Variants in COL6A3 observed in about 807,000 individuals in gnomAD.
The protein encoded by COL6A3 is collagen alpha-3(VI) chain.
A neutral mutation model predicts 274.1 loss-of-function variants in COL6A3; 137 were observed. The observed-to-expected ratio is 0.50, with a 90% CI of 0.44 to 0.58. The LOEUF is 0.58. Among genes scored for constraint, COL6A3 ranks in the 20% least tolerant of loss-of-function variants. The pLI, the probability that COL6A3 is intolerant of heterozygous loss-of-function variation, is 0.00. For missense variants in COL6A3, 3,950 were observed against 4,124.9 expected, an observed-to-expected ratio of 0.96 and a Z score of 1.16; for synonymous variants, 1,650 against 1,650.6, an observed-to-expected ratio of 1.00 and a Z score of 0.01.
At chr2:237,351,419 A>T in intron 26 of COL6A3, among the ~76,000 whole-genome samples, 1 of 152,270 alleles carries the variant, frequency 6.6e-6, no homozygotes, top group East Asian at 1.9e-4. Flanking sequence ...ATTACCTCTC[A>T]GTGCCAGTTT....
chr2:237,354,360 C>G (rs2077271822), intron 24 of COL6A3, among the ~76,000 whole-genome samples: 2 of 152,006 alleles, frequency 1.3e-5, no homozygotes, highest in South Asian at 4.2e-4. Context: ...CACATTCTGC[C>G]CACAGGGAAA....
At chr2:237,342,021 G>A (rs2106321452) in intron 37 of COL6A3, 44 bp downstream of exon 37, 1 of 1,482,314 alleles carries the variant, frequency 6.7e-7, no homozygotes, top group Admixed American at 1.7e-5. Context: ...ATTATGTTTT[G>A]CAATTGCAGC....
intron 25 of COL6A3, among the ~76,000 whole-genome samples, chr2:237,352,946 G>A (rs2077238487): frequency 6.6e-6 from 1 of 152,232 alleles, no homozygotes; most frequent in South Asian, 2.1e-4. Context: ...CTTCCATCAT[G>A]TAAAGGAATG....
chr2:237,409,416 A>G (rs2646259), intron 1 of COL6A3, among the ~76,000 whole-genome samples: 65,673 of 152,084 alleles, frequency 0.43, 15,974 homozygotes, highest in East Asian at 0.65. Context: ...ATTTAGCATT[A>G]GGGATATATC....
chr2:237,350,012 G>A, intron 28 of COL6A3, 135 bp downstream of exon 28: 1 of 887,950 alleles, frequency 1.1e-6, no homozygotes, highest in African/African-American at 1.6e-5. Context: ...AGATGAGCAA[G>A]TTTCAGTATT....
At chr2:237,335,431 C>G (rs150034591) in intron 40 of COL6A3, among the ~76,000 whole-genome samples, 1 of 152,178 alleles carries the variant, frequency 6.6e-6, no homozygotes, top group African/African-American at 2.4e-5. Flanking sequence ...AAGCCATCTA[C>G]CTTTTGTATC....
Position 237,355,037 on chromosome 2 carries a change from A to G in COL6A3, c.6592-103T>C, listed in dbSNP as rs561957713. ...TCACCCTCTTATTCTGCGGTTACTCAGGGGAATCTTCCCAAGCACCCACAT... is the reference window on the plus strand; with the variant it reads ...TCACCCTCTTATTCTGCGGTTACTCGGGGGAATCTTCCCAAGCACCCACAT... On this transcript the variant is annotated intron_variant, in intron 23 of 43. Coordinates refer to ENST00000295550, the MANE Select transcript of COL6A3 (RefSeq NM_004369.4). 7.4e-5 allele frequency: 82 copies of G among 1,109,324 alleles called. 1 individual carries two copies. In the African/African-American group the frequency reaches 1.2e-3, roughly 16 times the overall value. 68.7% of individuals were successfully genotyped at this position (1,109,324 alleles called of 1,614,324 possible).
At chr2:237,406,178 A>G (rs1211023664) in intron 1 of COL6A3, among the ~76,000 whole-genome samples, 1 of 152,184 alleles carries the variant, frequency 6.6e-6, no homozygotes, top group East Asian at 1.9e-4. Context: ...ATCATATTCA[A>G]TCATATTCCA....
chr2:237,384,738 A>T (rs2106374713), intron 4 of COL6A3, among the ~76,000 whole-genome samples: 1 of 152,188 alleles, frequency 6.6e-6, no homozygotes, highest in South Asian at 2.1e-4. Context: ...TCTCTGAGAA[A>T]ATAGAAGCCC....
chr2:237,337,538 T>C (rs1368758070), intron 39 of COL6A3, among the ~76,000 whole-genome samples: 1 of 152,250 alleles, frequency 6.6e-6, no homozygotes, highest in Non-Finnish European at 1.5e-5. Flanking sequence ...ATGGGCTCTC[T>C]TTCCCCATCT....
At position 237,378,813 on chromosome 2, in the gene COL6A3, A is replaced by G. The variant is rs572969883; in HGVS notation, c.2320T>C (p.Phe774Leu). ...TTCGCCTGGCTAGCTCCCACACAAAAAGTCAGGATGCCCGCGCGTGTCAAG... is the reference window on the plus strand; with the variant it reads ...TTCGCCTGGCTAGCTCCCACACAAAGAGTCAGGATGCCCGCGCGTGTCAAG... ...NALTRAGILTFCVGASQANKA... is the reference protein window; with the variant it reads ...NALTRAGILTLCVGASQANKA... Residue 774 changes from phenylalanine (F) to leucine (L), a missense_variant, in exon 6 of 44, where the codon TTT becomes CTT. Transcript: ENST00000295550. The G allele has an allele frequency of 2.4e-5, 38 of 1,614,204 alleles. No individual in the cohort carries two copies. The South Asian group carries it at 4.1e-4, about 17-fold the overall frequency.
At chr2:237,354,763 G>A (rs910873828) in intron 24 of COL6A3, 136 bp downstream of exon 24, 41 of 756,832 alleles carry the variant, frequency 5.4e-5, no homozygotes, top group Admixed American at 1.7e-4. Flanking sequence ...TAACCTTGGC[G>A]AAATCAACTT....
rs570089875 is a variant in COL6A3 at position 237,387,368 on chromosome 2, G to C, written c.1312+214C>G. On this transcript the variant is annotated intron_variant, in intron 4 of 43. Transcript: ENST00000295550. ...CGCTTTCTCAGCAACTCATACTCTCGTAAGAGCTTTCACTCACTCATTGGT... is the reference window on the plus strand; with the variant it reads ...CGCTTTCTCAGCAACTCATACTCTCCTAAGAGCTTTCACTCACTCATTGGT... Among the ~76,000 whole-genome samples the C allele has an allele frequency of 2.9e-4, 44 of 152,282 alleles. No individual in the cohort carries two copies. In the South Asian group the frequency reaches 8.3e-3, roughly 29 times the overall value.
Position 237,344,713 on chromosome 2 carries a change from A to G in COL6A3, c.7305T>C (p.Ala2435=). The G allele has an allele frequency of 6.2e-7, 1 of 1,606,710 alleles. No homozygotes were observed. The highest frequency in any genetic ancestry group is 8.5e-7 in the Non-Finnish European group (1 of 1,176,140). The change falls in exon 36 of 44, where the codon GCT becomes GCC. Residue 2435 remains alanine, a synonymous_variant. Coordinates refer to ENST00000295550, the MANE Select transcript of COL6A3 (RefSeq NM_004369.4). This position sits in a 1 kb window ranked among gnomAD's most constrained non-coding sequence, Gnocchi z 4.8. ...VLSIVNDLTI[A]ESNCPRGARV... The stretch of plus-strand genomic sequence containing the variant: ...GGGCCCCCCGTGGGCAGTTGCTCTC[A>G]GCAATGGTCAGGTCATTCACAATAC...
chr2:237,365,655 G>A, intron 12 of COL6A3, 43 bp downstream of exon 12: 1 of 1,582,536 alleles, frequency 6.3e-7, no homozygotes. Context: ...GTAAAAATTT[G>A]GAAATTTCCC....
chr2:237,353,102 T>C (rs2077241878), intron 25 of COL6A3, among the ~76,000 whole-genome samples: 1 of 152,152 alleles, frequency 6.6e-6, no homozygotes, highest in Non-Finnish European at 1.5e-5. Context: ...GATTAGTGGT[T>C]TCCAGGGACT....
At chr2:237,350,341 T>C (rs2077179811) in intron 27 of COL6A3, 132 bp from the exon 28 acceptor site, 3 of 800,722 alleles carry the variant, frequency 3.7e-6, no homozygotes, top group Middle Eastern at 4.4e-4. Flanking sequence ...GGTGGAATGA[T>C]TTTCTAAATT....
chr2:237,407,446 T>C lies in COL6A3; in HGVS notation c.-31+6507A>G, dbSNP rs2078749050. Among the ~76,000 whole-genome samples the C allele has an allele frequency of 6.6e-6, 1 of 152,224 alleles. No individual in the cohort carries two copies. The highest frequency in any genetic ancestry group is 6.5e-5 in the Admixed American group (1 of 15,282). On this transcript the variant is annotated intron_variant, in intron 1 of 43. Transcript: ENST00000295550. This position sits in a 1 kb window ranked among gnomAD's most constrained non-coding sequence, Gnocchi z 4.3. ...AAATCTAACAAAGCAACACCTGTTC[T>C]GCAACTTGTGGATTATAACAAAGCA...
At chr2:237,333,026 C>A (rs1024344058) in intron 42 of COL6A3, 2 of 314,638 alleles carry the variant, frequency 6.4e-6, no homozygotes, top group Admixed American at 8.2e-5. Flanking sequence ...TGGGTCAGAT[C>A]CAAACCCATG....
Sources: gnomAD v4.1 joint callset for allele counts (sites outside exome capture counted in the v4.1 genomes callset) on GRCh38, gnomAD v4.1.1 for gene constraint, Gnocchi (gnomAD v3.1) non-coding constraint, MANE v1.5 for transcripts, NCBI Gene and HGNC (gene_info 2026-07-23, HGNC 2026-07-21) for gene names.